Variants in CACNA1B observed in about 807,000 individuals in gnomAD.
CACNA1B encodes the protein calcium voltage-gated channel subunit alpha1 B.
A neutral mutation model predicts 247.2 loss-of-function variants in CACNA1B; 70 were observed. The ratio of observed to expected loss-of-function variants is 0.28; its 90% CI spans 0.23 to 0.35. The LOEUF (loss-of-function observed/expected upper bound fraction) is 0.35. CACNA1B is among the 10% of genes least tolerant of loss of function. The probability of loss-of-function intolerance (pLI) is 1.00; values close to 1 mark genes in which losing one functional copy is unlikely to be tolerated. For synonymous variants in CACNA1B, 1,231 were observed against 1,294.4 expected (o/e 0.95, Z 1.05); for missense variants, 2,367 against 3,197.4 (o/e 0.74, Z 6.26).
intron 20 of CACNA1B, among the ~76,000 whole-genome samples, chr9:138,031,274 AT>A (rs1216616840): frequency 6.6e-6 from 1 of 152,190 alleles, no homozygotes; most frequent in Admixed American, 6.5e-5. Flanking sequence ...GAGAAGACTC[AT>A]GGACTGTTTA....
chr9:137,925,037 T>C (rs1236137295), intron 6 of CACNA1B, among the ~76,000 whole-genome samples: 1 of 152,234 alleles, frequency 6.6e-6, no homozygotes, highest in Non-Finnish European at 1.5e-5. Context: ...GACCCGTGTC[T>C]GGTTTGTGCC....
intron 20 of CACNA1B, among the ~76,000 whole-genome samples, chr9:138,027,812 A>T (rs1958939438): frequency 6.6e-6 from 1 of 152,120 alleles, no homozygotes; most frequent in South Asian, 2.1e-4. Flanking sequence ...TTTATTTTGT[A>T]ATATGCCATT....
intron 13 of CACNA1B, among the ~76,000 whole-genome samples, 152 bp downstream of exon 13, chr9:137,984,402 C>T (rs1018978252): frequency 5.9e-5 from 9 of 152,254 alleles, no homozygotes; most frequent in African/African-American, 1.2e-4. Context: ...GGTTCCAAAA[C>T]GGCCTTGTGG....
intron 7 of CACNA1B, among the ~76,000 whole-genome samples, chr9:137,953,507 G>GTCC (rs1957903299): frequency 6.6e-6 from 1 of 152,182 alleles, no homozygotes; most frequent in Non-Finnish European, 1.5e-5. Context: ...CCTGTAAAGG[G>GTCC]TGTGATTGTC....
chr9:137,929,681 C>T (rs1957587958), intron 6 of CACNA1B, among the ~76,000 whole-genome samples: 1 of 152,110 alleles, frequency 6.6e-6, no homozygotes, highest in Non-Finnish European at 1.5e-5. Context: ...GGGACAGGGT[C>T]TTACTGTGTC....
intron 24 of CACNA1B, 39 bp downstream of exon 24, chr9:138,049,354 C>A: frequency 7.8e-7 from 1 of 1,279,356 alleles, no homozygotes; most frequent in South Asian, 1.2e-5. Context: ...GGGAGAGCCC[C>A]CAGAATCACG....
intron 37 of CACNA1B, among the ~76,000 whole-genome samples, chr9:138,097,912 G>A (rs1961109512): frequency 6.6e-6 from 1 of 152,150 alleles, no homozygotes; most frequent in Non-Finnish European, 1.5e-5. Context: ...TTTCCACTCA[G>A]CCTCCCCGGA....
At position 138,073,711 on chromosome 9, in the gene CACNA1B, C is replaced by A. The variant is rs1036532819; in HGVS notation, c.4791+107C>A. On this transcript the variant is annotated intron_variant, in intron 33 of 46. Transcript: ENST00000371372. The surrounding 1 kb of genome is among the most constrained non-coding windows in gnomAD (Gnocchi z 6.4). The stretch of plus-strand genomic sequence containing the variant: ...TTTGGGAGGCTGGGAGAGGGTATGG[C>A]ATGCAGGTTTCGTGGTTGTATGCAT... 5.5e-6 allele frequency: 4 copies of A among 733,082 alleles called. No individual in the cohort carries two copies. The Admixed American group carries it at 6.4e-5, about 12-fold the overall frequency. 45.4% of individuals were successfully genotyped at this position (733,082 alleles called of 1,614,324 possible).
chr9:137,997,025 A>G (rs765595930), intron 15 of CACNA1B, among the ~76,000 whole-genome samples: 9 of 152,256 alleles, frequency 5.9e-5, no homozygotes, highest in Non-Finnish European at 8.8e-5. Flanking sequence ...ATTCAACATT[A>G]GAAAACCTAT....
Position 137,957,815 on chromosome 9 carries a change from A to G in CACNA1B, c.1333+128A>G. Reference sequence around the variant, plus strand: ...GCCCAAACGCCTGCAGGCTCCTTTCAGACAGTTTGCTGCTCCTGGCTTTGT... The same window carrying G: ...GCCCAAACGCCTGCAGGCTCCTTTCGGACAGTTTGCTGCTCCTGGCTTTGT... On this transcript the variant is annotated intron_variant, in intron 10 of 46. Transcript: ENST00000371372. The surrounding 1 kb of genome is among the most constrained non-coding windows in gnomAD (Gnocchi z 4.7). 1 of 582,580 alleles carries G rather than the reference A, an allele frequency of 1.7e-6. No individual in the cohort carries two copies. The highest frequency in any genetic ancestry group is 2.5e-5 in the South Asian group (1 of 40,078). The allele number at this position is 582,580 out of a possible 1,614,324, so 36.1% of individuals were successfully genotyped here. A position where few individuals can be genotyped will look rare whatever the true frequency, so the allele number is the denominator to read the frequency against.
At chr9:138,097,762 G>T (rs773904013) in intron 37 of CACNA1B, among the ~76,000 whole-genome samples, 1 of 152,186 alleles carries the variant, frequency 6.6e-6, no homozygotes, top group East Asian at 1.9e-4. Context: ...GGCAGGACGT[G>T]GTCAGACCCC....
chr9:138,000,161 C>CAT, intron 15 of CACNA1B, among the ~76,000 whole-genome samples: 1 of 149,160 alleles, frequency 6.7e-6, no homozygotes, highest in South Asian at 2.1e-4. Flanking sequence ...TGCAGTGGTG[C>CAT]GATCTCGGCT....
intron 21 of CACNA1B, among the ~76,000 whole-genome samples, chr9:138,044,739 A>G (rs2133475230): frequency 6.6e-6 from 1 of 152,186 alleles, no homozygotes; most frequent in Non-Finnish European, 1.5e-5. Flanking sequence ...GCATGGACGT[A>G]CCCCTGTTCG....
Position 137,973,281 on chromosome 9 carries a change from A to T in CACNA1B, c.1543+1689A>T, listed in dbSNP as rs1478520898. ...ACTGAGGGAAAAATGGCTGGAGGGA[A>T]ATGTGGGCAGTGTCCCTGACAGCCG... is the stretch of plus-strand genomic sequence containing the variant. On this transcript the variant is annotated intron_variant, in intron 11 of 46. Transcript: ENST00000371372. The surrounding 1 kb of genome is among the most constrained non-coding windows in gnomAD (Gnocchi z 4.1). Among the ~76,000 whole-genome samples the T allele has an allele frequency of 2.0e-5, 3 of 152,020 alleles. No individual in the cohort carries two copies. Among genetic ancestry groups the T allele is most frequent in the African/African-American group, 7.2e-5 (3 of 41,382 alleles).
chr9:137,910,440 C>T (rs1387841592), intron 3 of CACNA1B, among the ~76,000 whole-genome samples: 2 of 152,034 alleles, frequency 1.3e-5, no homozygotes, highest in Admixed American at 6.6e-5. Flanking sequence ...GACCAGAGGT[C>T]GGGGGATGGT....
Position 137,877,991 on chromosome 9 carries a change from C to G in CACNA1B, c.58C>G (p.Arg20Gly), listed in dbSNP as rs1335294905. ...GRYGGPGGGERARGGGAGGAG... is the reference protein window; with the variant it reads ...GRYGGPGGGEGARGGGAGGAG... ...CTATGGGGGCCCCGGCGGCGGAGAG[C>G]GGGCCCGGGGCGGCGGGGCCGGCGG... Residue 20 changes from arginine to glycine, a missense_variant, in exon 1 of 47, where the codon CGG becomes GGG. Coordinates refer to ENST00000371372, the MANE Select transcript of CACNA1B (RefSeq NM_000718.4). 8.6e-7 allele frequency: 1 copy of G among 1,169,180 alleles called. No homozygotes were observed. The highest frequency in any genetic ancestry group is 1.6e-5 in the African/African-American group (1 of 60,634). 72.4% of individuals were successfully genotyped at this position (1,169,180 alleles called of 1,614,324 possible). A position where few individuals can be genotyped will look rare whatever the true frequency, so the allele number is the denominator to read the frequency against.
At chr9:138,037,040 T>C (rs1183231725) in intron 20 of CACNA1B, among the ~76,000 whole-genome samples, 5 of 152,244 alleles carry the variant, frequency 3.3e-5, no homozygotes, top group Non-Finnish European at 7.3e-5. Context: ...TTAATCTGTC[T>C]AAGTCTCTTT....
At chr9:138,077,990 C>A in intron 35 of CACNA1B, 124 bp from the exon 36 acceptor site, 1 of 725,058 alleles carries the variant, frequency 1.4e-6, no homozygotes, top group South Asian at 2.0e-5. Context: ...GTGACCCAGG[C>A]CTGGCACATG....
intron 31 of CACNA1B, among the ~76,000 whole-genome samples, chr9:138,063,151 C>A (rs1032864296): frequency 1.7e-4 from 26 of 152,164 alleles, no homozygotes; most frequent in Admixed American, 8.5e-4. Flanking sequence ...AATGTCTTGG[C>A]AGGCACAGTG....
Sources: gnomAD v4.1 joint callset for allele counts (sites outside exome capture counted in the v4.1 genomes callset) on GRCh38, gnomAD v4.1.1 for gene constraint, Gnocchi (gnomAD v3.1) non-coding constraint, MANE v1.5 for transcripts, NCBI Gene and HGNC (gene_info 2026-07-23, HGNC 2026-07-21) for gene names.